Variants in ADAMTS9 observed in about 807,000 individuals in gnomAD.
The protein encoded by ADAMTS9 is A disintegrin and metalloproteinase with thrombospondin motifs 9.
Under a neutral mutation model 257.1 loss-of-function variants are expected in ADAMTS9, and 107 were observed. The ratio of observed to expected loss-of-function variants is 0.42; its 90% CI spans 0.36 to 0.49. The LOEUF is 0.49. Among genes scored for constraint, ADAMTS9 ranks in the 20% least tolerant of loss-of-function variants. The pLI is 0.03. For missense variants in ADAMTS9, 2,353 were observed against 2,469.1 expected, an observed-to-expected ratio of 0.95 and a Z score of 1.00; for synonymous variants, 982 against 880.9, an observed-to-expected ratio of 1.11 and a Z score of -2.03.
At chr3:64,634,572 C>T (rs1700446484) in intron 12 of ADAMTS9, among the ~76,000 whole-genome samples, 1 of 152,204 alleles carries the variant, frequency 6.6e-6, no homozygotes, top group African/African-American at 2.4e-5. Context: ...CAAATTTAAT[C>T]TCCGCATGCA....
Position 64,604,337 on chromosome 3 carries a change from C to A in ADAMTS9, c.3475-6G>T. 1 of 1,569,280 alleles carries A rather than the reference C, an allele frequency of 6.4e-7. No individual in the cohort carries two copies. Among genetic ancestry groups the A allele is most frequent in the Non-Finnish European group, 8.6e-7 (1 of 1,157,192 alleles). ...CATGATGGTAATTCACAGTCCTAGA[C>A]GTGATGGGGGAAAAAAAAACAAAGT... On this transcript the variant is annotated splice_polypyrimidine_tract_variant and splice_region_variant and intron_variant, in intron 23 of 39. Coordinates refer to ENST00000498707, the MANE Select transcript of ADAMTS9 (RefSeq NM_182920.2).
chr3:64,619,862 AT>A (rs1700062320), intron 19 of ADAMTS9, among the ~76,000 whole-genome samples: 1 of 152,172 alleles, frequency 6.6e-6, no homozygotes. Flanking sequence ...GTAGTGATTA[AT>A]TCAGTTTAGC....
chr3:64,585,983 T>C (rs1424411133), intron 28 of ADAMTS9, among the ~76,000 whole-genome samples: 1 of 152,172 alleles, frequency 6.6e-6, no homozygotes, highest in Non-Finnish European at 1.5e-5. Flanking sequence ...ATTGTAGACA[T>C]ACCCTTTCCA....
At chr3:64,520,259 G>A (rs2106867126) in intron 39 of ADAMTS9, among the ~76,000 whole-genome samples, 1 of 152,148 alleles carries the variant, frequency 6.6e-6, no homozygotes, top group Admixed American at 6.5e-5. Context: ...AGCTCTACAA[G>A]GAGAATTATA....
chr3:64,597,250 T>G (rs1394758169), intron 26 of ADAMTS9, among the ~76,000 whole-genome samples: 2 of 152,172 alleles, frequency 1.3e-5, no homozygotes, highest in Non-Finnish European at 2.9e-5. Flanking sequence ...GTTCCATAAA[T>G]GCCTAATGTG....
At chr3:64,606,489 C>T (rs1017636984) in intron 23 of ADAMTS9, among the ~76,000 whole-genome samples, 6 of 152,148 alleles carry the variant, frequency 3.9e-5, no homozygotes, top group Non-Finnish European at 8.8e-5. Context: ...ATAAACTTTG[C>T]TTTTAATACC....
chr3:64,521,358 T>C (rs2082849403), intron 39 of ADAMTS9: 1 of 152,178 alleles, frequency 6.6e-6, no homozygotes, highest in Non-Finnish European at 1.5e-5. Context: ...TGTAAATTAG[T>C]TCATCCTTTG....
intron 36 of ADAMTS9, 130 bp from the exon 37 acceptor site, chr3:64,539,424 A>C: frequency 1.3e-6 from 1 of 753,464 alleles, no homozygotes; most frequent in Non-Finnish European, 2.3e-6. Context: ...GAAAGAAGCA[A>C]TGTGAAATAT....
intron 28 of ADAMTS9, among the ~76,000 whole-genome samples, chr3:64,591,668 G>A (rs1480787532): frequency 2.6e-5 from 4 of 152,120 alleles, no homozygotes; most frequent in Non-Finnish European, 5.9e-5. Context: ...TATATTAATA[G>A]TGATTTGGGG....
chr3:64,565,667 C>T lies in ADAMTS9; in HGVS notation c.4524+2701G>A, dbSNP rs530487303. Reference sequence around the variant, plus strand: ...AAGTTAAAAAAGTTTTACTGTGAAACGCTTTTTGTATCATGGGAATATTGA... The same window carrying T: ...AAGTTAAAAAAGTTTTACTGTGAAATGCTTTTTGTATCATGGGAATATTGA... On this transcript the variant is annotated intron_variant, in intron 29 of 39. Coordinates refer to ENST00000498707, the MANE Select transcript of ADAMTS9 (RefSeq NM_182920.2). 8 of 152,242 alleles carry T rather than the reference C, an allele frequency of 5.3e-5. No homozygotes were observed. The South Asian group carries it at 6.2e-4, about 12-fold the overall frequency. The allele number at this position is 152,242 out of a possible 1,614,324, so 9.4% of individuals were successfully genotyped here. A position where few individuals can be genotyped will look rare whatever the true frequency, so the allele number is the denominator to read the frequency against.
At chr3:64,604,572 A>G (rs1317104806) in intron 23 of ADAMTS9, among the ~76,000 whole-genome samples, 1 of 152,326 alleles carries the variant, frequency 6.6e-6, no homozygotes, top group Middle Eastern at 3.4e-3. Flanking sequence ...AGGATTTTTA[A>G]AGCCATATTT....
intron 28 of ADAMTS9, among the ~76,000 whole-genome samples, chr3:64,573,008 G>A (rs2083732873): frequency 6.6e-6 from 1 of 151,168 alleles, no homozygotes; most frequent in African/African-American, 2.4e-5. Flanking sequence ...AACCTGGGAG[G>A]TGGAGGTTGC....
At chr3:64,518,163 A>G (rs1057375134) in intron 39 of ADAMTS9, among the ~76,000 whole-genome samples, 2 of 152,262 alleles carry the variant, frequency 1.3e-5, no homozygotes, top group African/African-American at 4.8e-5. Context: ...AGAGGCAATC[A>G]TTGCTGATTG....
At chr3:64,570,642 G>C (rs1398950169) in intron 28 of ADAMTS9, among the ~76,000 whole-genome samples, 1 of 134,340 alleles carries the variant, frequency 7.4e-6, no homozygotes, top group Non-Finnish European at 1.5e-5. Flanking sequence ...CTTGCAGTGA[G>C]CCAAGACAGC....
intron 12 of ADAMTS9, among the ~76,000 whole-genome samples, chr3:64,635,995 G>C (rs1384688715): frequency 1.3e-5 from 2 of 152,122 alleles, no homozygotes; most frequent in African/African-American, 4.8e-5. Flanking sequence ...CTTTTTAGAT[G>C]TCCCAGCTGA....
chr3:64,687,530 G>T lies in ADAMTS9; in HGVS notation c.115+13C>A. The T allele has an allele frequency of 6.6e-7, 1 of 1,520,988 alleles. No individual in the cohort carries two copies. Among genetic ancestry groups the T allele is most frequent in the South Asian group, 1.2e-5 (1 of 81,206 alleles). 94.2% of individuals were successfully genotyped at this position (1,520,988 alleles called of 1,614,324 possible). On this transcript the variant is annotated intron_variant, in intron 1 of 39. Transcript: ENST00000498707. This position sits in a 1 kb window ranked among gnomAD's most constrained non-coding sequence, Gnocchi z 4.4. ...CGGGGCCGGCGGGGTCCCGGGGGCC[G>T]GAGCCTGGTTACCTTGCCTCGGGTG...
intron 21 of ADAMTS9, 68 bp from the exon 22 acceptor site, chr3:64,613,577 A>G (rs2084707212): frequency 6.7e-7 from 1 of 1,493,356 alleles, no homozygotes; most frequent in South Asian, 1.3e-5. Flanking sequence ...GGGGTTATTT[A>G]TTGATGAGTA....
rs1362239421 is a variant in ADAMTS9, at chr3:64,681,227, G to C, written c.653C>G (p.Thr218Arg). The change falls in exon 3 of 40, where the codon ACA (threonine) becomes AGA (arginine). Residue 218 changes from threonine (T) to arginine (R), a missense_variant. Physicochemically the swap from Thr to Arg is moderately conservative, Grantham distance 71. This residue lies in a region of ADAMTS9 where 591 missense variants were observed against 569.6 expected (regional missense o/e 1.04). Coordinates refer to ENST00000498707, the MANE Select transcript of ADAMTS9 (RefSeq NM_182920.2). ...TGAGGTGTCACATGCATGCCTTCCT[G>C]TTGAGGGCTCTCTCTGGGGGGCGCT... is the stretch of plus-strand genomic sequence containing the variant. Reference protein sequence around the residue: ...RRSAPQREPSTGRHACDTSEH... With the variant: ...RRSAPQREPSRGRHACDTSEH... 5.0e-6 allele frequency: 8 copies of C among 1,613,552 alleles called. No individual in the cohort carries two copies. Among genetic ancestry groups the C allele is most frequent in the African/African-American group, 1.3e-5 (1 of 74,896 alleles).
At chr3:64,678,734 A>C (rs2107040095) in intron 3 of ADAMTS9, among the ~76,000 whole-genome samples, 1 of 152,356 alleles carries the variant, frequency 6.6e-6, no homozygotes, top group African/African-American at 2.4e-5. Flanking sequence ...ACCTGGTTCC[A>C]GAGGTGTCCT....
Sources: gnomAD v4.1 joint callset for allele counts (sites outside exome capture counted in the v4.1 genomes callset) on GRCh38, gnomAD v4.1.1 for gene constraint, gnomAD v4.1.1 regional missense constraint, Gnocchi (gnomAD v3.1) non-coding constraint, MANE v1.5 for transcripts, NCBI Gene and HGNC (gene_info 2026-07-23, HGNC 2026-07-21) for gene names.